Variants in GAREM1 observed in about 807,000 individuals in gnomAD.
GAREM1 encodes the protein GRB2 associated regulator of MAPK1 subtype 1.
A neutral mutation model predicts 71.3 loss-of-function variants in GAREM1; 26 were observed. The observed-to-expected ratio is 0.36, with a 90% CI of 0.27 to 0.51. The LOEUF is 0.51. Among genes scored for constraint, GAREM1 ranks in the 20% least tolerant of loss-of-function variants. The pLI, the probability that GAREM1 is intolerant of heterozygous loss-of-function variation, is 0.95. For missense variants in GAREM1, 1,026 were observed against 1,103.1 expected, an observed-to-expected ratio of 0.93 and a Z score of 0.99; for synonymous variants, 440 against 433.2, an observed-to-expected ratio of 1.02 and a Z score of -0.20.
At chr18:32,316,786 A>G (rs2047381817) in intron 2 of GAREM1, among the ~76,000 whole-genome samples, 1 of 152,208 alleles carries the variant, frequency 6.6e-6, no homozygotes. Context: ...TGTCTTTAAA[A>G]TAGAAATAGC....
intron 1 of GAREM1, among the ~76,000 whole-genome samples, chr18:32,468,524 T>G (rs1420878752): frequency 6.6e-6 from 1 of 152,206 alleles, no homozygotes; most frequent in African/African-American, 2.4e-5. Context: ...TTCCACAGCT[T>G]GAAAGGACAC....
At chr18:32,296,001 C>T (rs372303129) in intron 3 of GAREM1, among the ~76,000 whole-genome samples, 2 of 151,722 alleles carry the variant, frequency 1.3e-5, no homozygotes, top group Admixed American at 6.6e-5. Context: ...CTCACTCTGC[C>T]GCCCAGGCTG....
At chr18:32,269,565 T>G (rs2041427404) in intron 5 of GAREM1, among the ~76,000 whole-genome samples, 1 of 152,196 alleles carries the variant, frequency 6.6e-6, no homozygotes, top group African/African-American at 2.4e-5. Context: ...TTTCATGAGT[T>G]GACAAAGAGA....
intron 2 of GAREM1, among the ~76,000 whole-genome samples, chr18:32,325,623 A>G (rs2047467290): frequency 6.6e-6 from 1 of 152,364 alleles, no homozygotes; most frequent in Non-Finnish European, 1.5e-5. Flanking sequence ...CAGTCTCAGT[A>G]AGGCACGTTT....
chr18:32,291,121 C>T (rs991053630), intron 3 of GAREM1, among the ~76,000 whole-genome samples: 9 of 151,904 alleles, frequency 5.9e-5, no homozygotes, highest in East Asian at 1.9e-4. Context: ...GAATAAACTA[C>T]GGTACACACA....
rs1388965445 is a variant in GAREM1, at chr18:32,293,380, G to A, written c.394-5177C>T. Among the ~76,000 whole-genome samples the A allele has an allele frequency of 5.3e-5, 8 of 152,224 alleles. No individual in the cohort carries two copies. In the East Asian group the frequency reaches 1.5e-3, roughly 29 times the overall value. ...ACATGCCAAAAAGACACAAGAACCA[G>A]CCTAAATGAGCTCCTACTGCTAAAA... On this transcript the variant is annotated intron_variant, in intron 3 of 5. Coordinates refer to ENST00000269209, the MANE Select transcript of GAREM1 (RefSeq NM_001242409.2).
chr18:32,467,888 G>A (rs939728571), intron 1 of GAREM1, among the ~76,000 whole-genome samples: 2 of 151,994 alleles, frequency 1.3e-5, no homozygotes, highest in Non-Finnish European at 2.9e-5. Flanking sequence ...ATACCAGCAT[G>A]TCCTCAACCT....
chr18:32,419,001 C>T (rs1327612129), intron 1 of GAREM1, among the ~76,000 whole-genome samples: 2 of 152,198 alleles, frequency 1.3e-5, no homozygotes, highest in Non-Finnish European at 2.9e-5. Flanking sequence ...GCTGCATTCT[C>T]ATCTGGAATT....
chr18:32,347,853 G>A (rs1263801282), intron 2 of GAREM1, among the ~76,000 whole-genome samples: 1 of 152,118 alleles, frequency 6.6e-6, no homozygotes, highest in East Asian at 1.9e-4. Flanking sequence ...TTCATGCCAG[G>A]TAACCATTTC....
intron 2 of GAREM1, among the ~76,000 whole-genome samples, chr18:32,324,870 G>A (rs2047460908): frequency 6.6e-6 from 1 of 152,192 alleles, no homozygotes; most frequent in South Asian, 2.1e-4. Context: ...TGACATTTCT[G>A]GAAAAGGCAA....
At chr18:32,320,323 A>C (rs2047416895) in intron 2 of GAREM1, among the ~76,000 whole-genome samples, 1 of 152,142 alleles carries the variant, frequency 6.6e-6, no homozygotes, top group Non-Finnish European at 1.5e-5. Flanking sequence ...AATCTTTGAA[A>C]TTTCTGCTGA....
Position 32,378,115 on chromosome 18 carries a change from G to A in GAREM1, c.262+14780C>T, listed in dbSNP as rs4283299. 2.0e-5 allele frequency among the ~76,000 whole-genome samples: 3 copies of A among 151,576 alleles called. No homozygotes were observed. The East Asian group carries it at 5.8e-4, about 30-fold the overall frequency. On this transcript the variant is annotated intron_variant, in intron 2 of 5. Transcript: ENST00000269209. ...AGGTGAAGTGAAGTGATAAATGCCA[G>A]GAATTCTGTAGTTCAGTTTAAATCT...
At chr18:32,297,153 C>T (rs574039794) in intron 3 of GAREM1, among the ~76,000 whole-genome samples, 2 of 152,154 alleles carry the variant, frequency 1.3e-5, no homozygotes, top group South Asian at 2.1e-4. Flanking sequence ...CTCTAAAATA[C>T]GTGCTCTCTG....
Position 32,470,539 on chromosome 18 carries a change from G to C in GAREM1, c.-111C>G, listed in dbSNP as rs984849471. 99 of 778,232 alleles carry C rather than the reference G, an allele frequency of 1.3e-4. 1 individual carries two copies. In the East Asian group the frequency reaches 7.7e-3, roughly 60 times the overall value. 48.2% of individuals were successfully genotyped at this position (778,232 alleles called of 1,614,324 possible). On this transcript the variant is annotated 5_prime_UTR_variant, in exon 1 of 6. Coordinates refer to ENST00000269209, the MANE Select transcript of GAREM1 (RefSeq NM_001242409.2). This position sits in a 1 kb window ranked among gnomAD's most constrained non-coding sequence, Gnocchi z 4.4. ...CGGTCTGGGGCGCGCGGGAGGCGCC[G>C]GGCAGCTCCGGCCGCGGGCAGCCGG... is the stretch of plus-strand genomic sequence containing the variant.
chr18:32,287,321 A>G lies in GAREM1; in HGVS notation c.1276T>C (p.Ser426Pro). ...FPHDILPYQD[S>P]GDSGSDYLFP... is the part of the protein sequence containing the mutation. ...AGGTAGTCGCTCCCACTATCTCCAG[A>G]GTCCTGATAGGGCAGGATGTCATGA... Residue 426 changes from serine (S) to proline (P), a missense_variant, in exon 4 of 6, where the codon TCT (serine) becomes CCT (proline). Ser to Pro is a moderately conservative substitution (Grantham distance 74). Transcript: ENST00000269209. The surrounding 1 kb of genome is among the most constrained non-coding windows in gnomAD (Gnocchi z 5.9). The G allele has an allele frequency of 6.2e-7, 1 of 1,614,172 alleles. No individual in the cohort carries two copies. Among genetic ancestry groups the G allele is most frequent in the Non-Finnish European group, 8.5e-7 (1 of 1,180,032 alleles).
intron 2 of GAREM1, among the ~76,000 whole-genome samples, chr18:32,365,070 A>G (rs1293705509): frequency 1.3e-5 from 2 of 152,194 alleles, no homozygotes; most frequent in Non-Finnish European, 2.9e-5. Flanking sequence ...AGCCATCTAC[A>G]GAATTTTTTT....
intron 1 of GAREM1, among the ~76,000 whole-genome samples, chr18:32,436,396 A>T (rs1473845299): frequency 6.6e-6 from 1 of 152,216 alleles, no homozygotes; most frequent in Non-Finnish European, 1.5e-5. Context: ...GCAATGTCTT[A>T]TCCACAAGAA....
chr18:32,372,154 G>A (rs776321873), intron 2 of GAREM1, among the ~76,000 whole-genome samples: 10 of 152,166 alleles, frequency 6.6e-5, no homozygotes, highest in Admixed American at 6.5e-5. Context: ...TTTTGGTGAT[G>A]ATCTTTTCAT....
intron 1 of GAREM1, among the ~76,000 whole-genome samples, chr18:32,425,775 A>G (rs2048568823): frequency 6.6e-6 from 1 of 152,192 alleles, no homozygotes; most frequent in South Asian, 2.1e-4. Flanking sequence ...CATCTAATCT[A>G]AGTAGCTCTT....
Sources: allele counts gnomAD v4.1 joint callset (sites outside exome capture counted in the v4.1 genomes callset), GRCh38; gene constraint gnomAD v4.1.1; non-coding constraint Gnocchi (gnomAD v3.1); transcripts MANE v1.5; gene names NCBI Gene and HGNC (gene_info 2026-07-23, HGNC 2026-07-21).